Variants in ANKRD33 observed in about 807,000 individuals in gnomAD.
ANKRD33 encodes photoreceptor ankyrin repeat protein.
ANKRD33 carries 20 observed loss-of-function variants against 20.6 expected under a neutral mutation model. The ratio of observed to expected loss-of-function variants is 0.97; its 90% CI spans 0.68 to 1.41. The LOEUF is 1.41. Ranked by LOEUF, ANKRD33 falls within the 40% of genes most tolerant of loss-of-function variation. The pLI is 0.00. For missense variants in ANKRD33, 545 were observed against 579.6 expected, an observed-to-expected ratio of 0.94 and a Z score of 0.61; for synonymous variants, 246 against 245.0, an observed-to-expected ratio of 1.00 and a Z score of -0.04.
intron 2 of ANKRD33, 36 bp from the exon 3 acceptor site, chr12:51,889,031 G>A (rs748908434): frequency 6.2e-7 from 1 of 1,613,652 alleles, no homozygotes; most frequent in East Asian, 2.2e-5. Context: ...AGTGGCCCAG[G>A]GGGAAAGCAG....
At position 51,889,355 on chromosome 12, in the gene ANKRD33, C is replaced by G; in HGVS notation, c.527-17C>G. On this transcript the variant is annotated splice_polypyrimidine_tract_variant and intron_variant, in intron 3 of 4. Coordinates refer to ENST00000301190, the MANE Select transcript of ANKRD33 (RefSeq NM_182608.4). ...CCCCCTTTCCTGGGGACCAAGCTTACCCTTGCTGCCCTGCAGGCCACGTGC... is the reference window on the plus strand; with the variant it reads ...CCCCCTTTCCTGGGGACCAAGCTTAGCCTTGCTGCCCTGCAGGCCACGTGC... The G allele has an allele frequency of 6.2e-7, 1 of 1,613,032 alleles. No individual in the cohort carries two copies. Among genetic ancestry groups the G allele is most frequent in the Non-Finnish European group, 8.5e-7 (1 of 1,179,438 alleles).
In ANKRD33 at chr12:51,891,004, C is replaced by A; in HGVS notation, c.1058C>A (p.Pro353His). Reference protein sequence around the residue: ...PELLGTAPPPPLVPQSPPGSP... With the variant: ...PELLGTAPPPHLVPQSPPGSP... ...CTGTTAGGTACTGCCCCGCCCCCTC[C>A]CCTGGTTCCCCAGTCCCCGCCAGGG... is the stretch of plus-strand genomic sequence containing the variant. The change falls in exon 5 of 5, where the codon CCC becomes CAC. Residue 353 changes from proline (P) to histidine (H), a missense_variant. Physicochemically the swap from Pro to His is moderately conservative, Grantham distance 77. Coordinates refer to ENST00000301190, the MANE Select transcript of ANKRD33 (RefSeq NM_182608.4). 6.2e-7 allele frequency: 1 copy of A among 1,613,688 alleles called. No individual in the cohort carries two copies. The highest frequency in any genetic ancestry group is 8.5e-7 in the Non-Finnish European group (1 of 1,179,984).
chr12:51,888,637 A>C lies in ANKRD33; in HGVS notation c.215A>C (p.His72Pro). ...PCLEEEELALHRRRLDMSEAL... is the reference protein window; with the variant it reads ...PCLEEEELALPRRRLDMSEAL... ...CTGGAAGAGGAAGAGCTGGCATTGC[A>C]CAGGAGACGGCTGGACATGTCTGAG... Residue 72 changes from histidine (H) to proline (P), a missense_variant, in exon 2 of 5, where the codon CAC becomes CCC. By Grantham distance (77) the His-to-Pro change is moderately conservative. Coordinates refer to ENST00000301190, the MANE Select transcript of ANKRD33 (RefSeq NM_182608.4). 1 of 1,598,318 alleles carries C rather than the reference A, an allele frequency of 6.3e-7. No individual in the cohort carries two copies.
At position 51,891,282 on chromosome 12, in the gene ANKRD33, GA is replaced by G; in HGVS notation, c.1337del (p.Glu446GlyfsTer43). 6.2e-7 allele frequency: 1 copy of G among 1,614,168 alleles called. No individual in the cohort carries two copies. The highest frequency in any genetic ancestry group is 8.5e-7 in the Non-Finnish European group (1 of 1,180,004). On this transcript the variant is annotated frameshift_variant, in exon 5 of 5. Transcript: ENST00000301190. LOFTEE classifies it high-confidence loss of function. Reference protein sequence around the residue: ...LRIEKRKQEEEARMAQK With the variant: ...LRIEKRKQEEXARMAQK ...GATAGAGAAGAGGAAACAGGAGGAG[GA>G]GGCCAGAATGGCACAGAAGTAGGGG...
At chr12:51,888,447 G>T (rs1183675482) in intron 1 of ANKRD33, 116 bp downstream of exon 1, 2 of 1,571,036 alleles carry the variant, frequency 1.3e-6, no homozygotes, top group Admixed American at 2.0e-5. Flanking sequence ...GGTGGATGGG[G>T]CGAGACCCCT....
In ANKRD33 at chr12:51,890,621, G is replaced by A. The variant is rs1041040423; in HGVS notation, c.675G>A (p.Lys225=). The A allele has an allele frequency of 3.7e-6, 6 of 1,610,434 alleles. No homozygotes were observed. Among genetic ancestry groups the A allele is most frequent in the Non-Finnish European group, 5.1e-6 (6 of 1,179,986 alleles). The change falls in exon 5 of 5, where the codon AAG becomes AAA. Residue 225 remains lysine, a synonymous_variant. Transcript: ENST00000301190. ...DLTAVDPVRG[K]TALEWAVLTD... ...CAGCAGTGGACCCTGTTCGGGGCAA[G>A]ACGGCCCTGGAATGGGCAGTGCTGA...
chr12:51,888,408 C>G (rs1453823346), intron 1 of ANKRD33, 77 bp downstream of exon 1: 1 of 1,594,064 alleles, frequency 6.3e-7, no homozygotes, highest in Non-Finnish European at 8.5e-7. Context: ...TTGCTTAGGG[C>G]TCCTGACCCA....
In ANKRD33 at chr12:51,889,534, G is replaced by A. The variant is rs755612200; in HGVS notation, c.637+52G>A. The A allele has an allele frequency of 8.1e-6, 13 of 1,598,162 alleles. No individual in the cohort carries two copies. The East Asian group carries it at 9.0e-5, about 11-fold the overall frequency. Reference sequence around the variant, plus strand: ...GCAGGTGTGCGGGGCCTGGACCGGGGTGTGTGGCCTCCAGTCCCTCCTCCA... The same window carrying A: ...GCAGGTGTGCGGGGCCTGGACCGGGATGTGTGGCCTCCAGTCCCTCCTCCA... On this transcript the variant is annotated intron_variant, in intron 4 of 4. Transcript: ENST00000301190.
rs1433321794 is a variant in ANKRD33 at position 51,891,173 on chromosome 12, AT to A, written c.1228del (p.Ser410ProfsTer29). Reference protein sequence around the residue: ...PKILLSKASSSSHQCQPKPSP... With the variant: ...PKILLSKASSXSHQCQPKPSP... ...AGATCCTCCTCTCCAAGGCATCCTC[AT>A]CCTCCCACCAGTGCCAGCCGAAGCC... is the stretch of plus-strand genomic sequence containing the variant. On this transcript the variant is annotated frameshift_variant, in exon 5 of 5. Transcript: ENST00000301190. LOFTEE classifies it low-confidence loss of function (END_TRUNC). 1 of 1,614,068 alleles carries A rather than the reference AT, an allele frequency of 6.2e-7. No individual in the cohort carries two copies. The highest frequency in any genetic ancestry group is 1.3e-5 in the African/African-American group (1 of 74,922).
At position 51,888,214 on chromosome 12, in the gene ANKRD33, G is replaced by T; in HGVS notation, c.28G>T (p.Val10Phe). The change falls in exon 1 of 5, where the codon GTT becomes TTT. Residue 10 changes from valine (V) to phenylalanine (F), a missense_variant. Val to Phe is a conservative substitution (Grantham distance 50). Transcript: ENST00000301190. ...GAAAGTCCAGCCATCTGTTACCTGC[G>T]TTGCTTCCTGGGGAGGGATAGTCCA... is the stretch of plus-strand genomic sequence containing the variant. MKVQPSVTC[V>F]ASWGGIVHLE... 6.2e-7 allele frequency: 1 copy of T among 1,614,190 alleles called. No individual in the cohort carries two copies. The highest frequency in any genetic ancestry group is 1.1e-5 in the South Asian group (1 of 91,090).
Position 51,890,677 on chromosome 12 carries a change from G to C in ANKRD33, c.731G>C (p.Arg244Pro). The C allele has an allele frequency of 6.2e-7, 1 of 1,605,538 alleles. No homozygotes were observed. The highest frequency in any genetic ancestry group is 8.5e-7 in the Non-Finnish European group (1 of 1,179,978). Reference sequence around the variant, plus strand: ...AGCTTCGACACCGTGTGGAGGATTCGGCAGCTGCTGAGGCGGCCCCAAGTG... The same window carrying C: ...AGCTTCGACACCGTGTGGAGGATTCCGCAGCTGCTGAGGCGGCCCCAAGTG... ...TDSFDTVWRI[R>P]QLLRRPQVEQ... The change falls in exon 5 of 5, where the codon CGG becomes CCG. Residue 244 changes from arginine to proline, a missense_variant. Transcript: ENST00000301190.
rs1175679579 is a variant in ANKRD33 at position 51,888,817 on chromosome 12, G to A, written c.395G>A (p.Arg132Lys). The part of the protein sequence containing the change: ...EEATQVDSNG[R>K]TGLMVACYHG... ...GCCACCCAGGTGGACAGCAATGGGA[G>A]GGTGAGATGTCCTGGCTTCCCAGAA... The change falls in exon 2 of 5, where the codon AGG (arginine) becomes AAG (lysine). Residue 132 changes from arginine (R) to lysine (K), a missense_variant and splice_region_variant. Arg to Lys is a conservative substitution (Grantham distance 26, BLOSUM62 2). Coordinates refer to ENST00000301190, the MANE Select transcript of ANKRD33 (RefSeq NM_182608.4). The A allele has an allele frequency of 6.2e-7, 1 of 1,613,010 alleles. No individual in the cohort carries two copies. Among genetic ancestry groups the A allele is most frequent in the African/African-American group, 1.3e-5 (1 of 75,070 alleles).
Position 51,888,137 on chromosome 12 carries a change from T to A in ANKRD33, c.-50T>A. On this transcript the variant is annotated 5_prime_UTR_variant, in exon 1 of 5. Transcript: ENST00000301190. ...CCACCCGCCCCGCATGGGGCCCCAG[T>A]CCCAGCTGCTTGATCCGGCTCAGCC... 6.2e-7 allele frequency: 1 copy of A among 1,601,844 alleles called. No individual in the cohort carries two copies.
intron 4 of ANKRD33, 88 bp from the exon 5 acceptor site, chr12:51,890,496 C>G: frequency 6.5e-7 from 1 of 1,538,882 alleles, no homozygotes; most frequent in Middle Eastern, 1.7e-4. Flanking sequence ...GAATGTAACC[C>G]ACATCAGTCT....
intron 4 of ANKRD33, 186 bp downstream of exon 4, chr12:51,889,668 G>A: frequency 8.6e-7 from 1 of 1,157,178 alleles, no homozygotes; most frequent in Non-Finnish European, 1.2e-6. Context: ...CACATGATTT[G>A]GGCTTCGTAC....
In ANKRD33 at chr12:51,889,385, A is replaced by G. The variant is rs2139036526; in HGVS notation, c.540A>G (p.Leu180=). 6.2e-7 allele frequency: 1 copy of G among 1,614,092 alleles called. No individual in the cohort carries two copies. The highest frequency in any genetic ancestry group is 8.5e-7 in the Non-Finnish European group (1 of 1,179,984). The part of the protein sequence containing the change: ...MLAAQAGHVP[L]VSLLLNYYVG... Reference sequence around the variant, plus strand: ...GCTGCCCTGCAGGCCACGTGCCTCTAGTGAGTCTCCTGCTCAACTACTATG... The same window carrying G: ...GCTGCCCTGCAGGCCACGTGCCTCTGGTGAGTCTCCTGCTCAACTACTATG... The change falls in exon 4 of 5, where the codon CTA becomes CTG. Residue 180 remains leucine, a synonymous_variant. Coordinates refer to ENST00000301190, the MANE Select transcript of ANKRD33 (RefSeq NM_182608.4).
chr12:51,891,421 C>A lies in ANKRD33; in HGVS notation c.*116C>A. The A allele has an allele frequency of 7.1e-7, 1 of 1,409,672 alleles. No individual in the cohort carries two copies. 87.3% of individuals were successfully genotyped at this position (1,409,672 alleles called of 1,614,324 possible). A position where few individuals can be genotyped will look rare whatever the true frequency, so the allele number is the denominator to read the frequency against. On this transcript the variant is annotated 3_prime_UTR_variant, in exon 5 of 5. Transcript: ENST00000301190. ...ACCTCTGCCTAAGTAAATCTGCTCT[C>A]AACCTATATATATACAAGGTCATTC...
intron 4 of ANKRD33, 89 bp downstream of exon 4, chr12:51,889,571 C>T: frequency 6.5e-7 from 1 of 1,527,590 alleles, no homozygotes; most frequent in Non-Finnish European, 8.8e-7. Context: ...GCCTTCCCAC[C>T]AGACACTAAG....
intron 4 of ANKRD33, chr12:51,889,808 C>G: frequency 2.5e-6 from 1 of 402,074 alleles, no homozygotes; most frequent in Non-Finnish European, 4.5e-6. Flanking sequence ...GGAACCAGCC[C>G]CTGTTCCTAG....
Sources: allele counts gnomAD v4.1 joint callset, GRCh38; gene constraint gnomAD v4.1.1; transcripts MANE v1.5; gene names NCBI Gene and HGNC (gene_info 2026-07-23, HGNC 2026-07-21).